CLASP2: variants seen among roughly 807,000 people sequenced by gnomAD.
The protein encoded by CLASP2 is cytoplasmic linker associated protein 2, also known as CLIP-associating protein 2.
CLASP2 carries 47 observed loss-of-function variants against 194.4 expected under a neutral mutation model. The observed-to-expected ratio is 0.24, with a 90% CI of 0.19 to 0.31. The LOEUF (loss-of-function observed/expected upper bound fraction) is 0.31. CLASP2 is among the 10% of genes least tolerant of loss of function. The probability of loss-of-function intolerance (pLI) is 1.00; values close to 1 mark genes in which losing one functional copy is unlikely to be tolerated. For missense variants in CLASP2, 1,445 were observed against 1,823.6 expected (o/e 0.79, Z 3.78); for synonymous variants, 619 against 633.5 (o/e 0.98, Z 0.34).
chr3:33,671,963 C>T (rs2087341694), intron 6 of CLASP2, among the ~76,000 whole-genome samples: 1 of 152,234 alleles, frequency 6.6e-6, no homozygotes, highest in Non-Finnish European at 1.5e-5. Flanking sequence ...GTGGAGCCCA[C>T]CACAGCTCAA....
chr3:33,655,359 C>T (rs73826765), intron 7 of CLASP2, among the ~76,000 whole-genome samples: 4,424 of 152,114 alleles, frequency 0.029, 222 homozygotes, highest in African/African-American at 0.1. Flanking sequence ...ACTTAGATGC[C>T]CTTAACACAG....
At chr3:33,555,364 TG>T (rs2154169953) in intron 29 of CLASP2, among the ~76,000 whole-genome samples, 1 of 140,844 alleles carries the variant, frequency 7.1e-6, no homozygotes, top group Admixed American at 7.9e-5. Context: ...CATAATATTC[TG>T]ATTTTTTTTT....
chr3:33,656,328 A>G (rs1167149549), intron 7 of CLASP2, among the ~76,000 whole-genome samples: 2 of 152,242 alleles, frequency 1.3e-5, no homozygotes, highest in African/African-American at 4.8e-5. Context: ...AAAAAGGTCA[A>G]ACAACCAAAA....
intron 29 of CLASP2, among the ~76,000 whole-genome samples, chr3:33,557,842 C>T (rs547290951): frequency 5.3e-5 from 8 of 152,278 alleles, no homozygotes; most frequent in Admixed American, 2.6e-4. Context: ...GAAAATAAAA[C>T]GGCCTATGCC....
At chr3:33,650,919 A>C (rs1434857966) in intron 7 of CLASP2, among the ~76,000 whole-genome samples, 4 of 152,242 alleles carry the variant, frequency 2.6e-5, no homozygotes, top group African/African-American at 9.6e-5. Flanking sequence ...ACAATGACTT[A>C]TCTGCATGCC....
intron 2 of CLASP2, among the ~76,000 whole-genome samples, chr3:33,693,881 T>G (rs545692586): frequency 6.6e-6 from 1 of 151,990 alleles, no homozygotes; most frequent in African/African-American, 2.4e-5. Flanking sequence ...TAAGAGTGTG[T>G]GAACATGTGC....
rs746616286 is a variant in CLASP2, at chr3:33,626,683, A to G, written c.1035+305T>C. Reference sequence around the variant, plus strand: ...GAGGATAGTGCTAATAAGCAACTATATAAGTCCACAGAAAGGCTAAAGCCC... The same window carrying G: ...GAGGATAGTGCTAATAAGCAACTATGTAAGTCCACAGAAAGGCTAAAGCCC... On this transcript the variant is annotated intron_variant, in intron 10 of 38. Coordinates refer to ENST00000682230, the MANE Select transcript of CLASP2 (RefSeq NM_001365631.1). 4.6e-5 allele frequency among the ~76,000 whole-genome samples: 7 copies of G among 152,152 alleles called. No individual in the cohort carries two copies. The East Asian group carries it at 1.2e-3, about 25-fold the overall frequency.
chr3:33,586,134 CTTTT>C (rs2067300189), intron 21 of CLASP2, among the ~76,000 whole-genome samples: 2 of 151,862 alleles, frequency 1.3e-5, no homozygotes, highest in Admixed American at 1.3e-4. Flanking sequence ...CCTTTTCTTT[CTTTT>C]CTTTTTTCCC....
At chr3:33,587,995 T>G (rs1161122909) in intron 21 of CLASP2, among the ~76,000 whole-genome samples, 2 of 152,218 alleles carry the variant, frequency 1.3e-5, no homozygotes, top group Non-Finnish European at 2.9e-5. Context: ...ATTCAGCAGA[T>G]AGGAAACTTG....
chr3:33,576,118 A>G (rs748967784), intron 24 of CLASP2, 51 bp downstream of exon 24: 7 of 1,437,538 alleles, frequency 4.9e-6, no homozygotes, highest in Non-Finnish European at 6.8e-6. Flanking sequence ...TACTCATTCA[A>G]CAGTTTCGTA....
intron 29 of CLASP2, among the ~76,000 whole-genome samples, chr3:33,556,673 A>G (rs2060988271): frequency 6.6e-6 from 1 of 152,042 alleles, no homozygotes; most frequent in Non-Finnish European, 1.5e-5. Context: ...CTGACCTCAG[A>G]TGATCCACCT....
At chr3:33,640,001 C>G (rs1399088040) in intron 8 of CLASP2, among the ~76,000 whole-genome samples, 1 of 152,160 alleles carries the variant, frequency 6.6e-6, no homozygotes, top group Non-Finnish European at 1.5e-5. Context: ...GGCTCAATCT[C>G]TTTTCCTGAA....
chr3:33,631,710 A>G (rs1307414269), intron 9 of CLASP2, among the ~76,000 whole-genome samples: 1 of 152,034 alleles, frequency 6.6e-6, no homozygotes, highest in African/African-American at 2.4e-5. Context: ...AAAAAAAAAA[A>G]AAATTCATTG....
chr3:33,701,919 A>C (rs1270935537), intron 1 of CLASP2, among the ~76,000 whole-genome samples: 2 of 152,176 alleles, frequency 1.3e-5, no homozygotes, highest in African/African-American at 4.8e-5. Flanking sequence ...TAATTCTTAG[A>C]GACAACATGA....
chr3:33,619,699 G>C lies in CLASP2; in HGVS notation c.1221C>G (p.Gly407=). ...AAAGTGTAGGTACAATGGCTTCAGC[G>C]CCATGATCAAACTTGTTTCCCAAAA... The part of the protein sequence containing the change: ...STVLGNKFDH[G]AEAIVPTLFN... The change falls in exon 12 of 39, where the codon GGC becomes GGG. Residue 407 remains glycine (G), a synonymous_variant. Transcript: ENST00000682230. The C allele has an allele frequency of 6.3e-7, 1 of 1,584,568 alleles. No individual in the cohort carries two copies. Among genetic ancestry groups the C allele is most frequent in the Non-Finnish European group, 8.6e-7 (1 of 1,164,988 alleles).
intron 5 of CLASP2, among the ~76,000 whole-genome samples, chr3:33,685,365 A>AAAAAT (rs1238377905): frequency 1.3e-5 from 2 of 151,346 alleles, no homozygotes; most frequent in Non-Finnish European, 2.9e-5. Flanking sequence ...AAAAAAAAAA[A>AAAAAT]AAATCCTATC....
At chr3:33,663,800 C>T (rs1162307570) in intron 6 of CLASP2, among the ~76,000 whole-genome samples, 1 of 152,058 alleles carries the variant, frequency 6.6e-6, no homozygotes, top group Non-Finnish European at 1.5e-5. Flanking sequence ...AAAATCATTC[C>T]TCCAAATCCA....
chr3:33,573,921 ATTTAG>A (rs2064280181), intron 24 of CLASP2, among the ~76,000 whole-genome samples: 1 of 152,112 alleles, frequency 6.6e-6, no homozygotes, highest in Non-Finnish European at 1.5e-5. Flanking sequence ...ATGAAAAACT[ATTTAG>A]TCTACTATTA....
At chr3:33,592,361 G>T in intron 21 of CLASP2, 34 bp downstream of exon 21, 1 of 1,409,252 alleles carries the variant, frequency 7.1e-7, no homozygotes, top group Non-Finnish European at 1.0e-6. Flanking sequence ...CTAACATAGT[G>T]ACAAATATAG....
Sources: gnomAD v4.1 joint callset for allele counts (sites outside exome capture counted in the v4.1 genomes callset) on GRCh38, gnomAD v4.1.1 for gene constraint, MANE v1.5 for transcripts, NCBI Gene and HGNC (gene_info 2026-07-23, HGNC 2026-07-21) for gene names.